MACROD2: variants seen among roughly 807,000 people sequenced by gnomAD.
The protein encoded by MACROD2 is mono-ADP ribosylhydrolase 2.
A neutral mutation model predicts 70.4 loss-of-function variants in MACROD2; 36 were observed. The ratio of observed to expected loss-of-function variants is 0.51; its 90% CI spans 0.39 to 0.68. The LOEUF is 0.68. Ranked by LOEUF, MACROD2 falls within the 30% of genes least tolerant of loss-of-function variation. The probability of loss-of-function intolerance (pLI) is 0.00; values close to 1 mark genes in which losing one functional copy is unlikely to be tolerated. For synonymous variants in MACROD2, 172 were observed against 178.8 expected, an observed-to-expected ratio of 0.96 and a Z score of 0.30; for missense variants, 496 against 538.4, an observed-to-expected ratio of 0.92 and a Z score of 0.78.
intron 5 of MACROD2, among the ~76,000 whole-genome samples, chr20:15,120,364 A>G (rs566396792): frequency 6.6e-6 from 1 of 152,266 alleles, no homozygotes; most frequent in African/African-American, 2.4e-5. Context: ...GACAAAATTC[A>G]TTGTGAACTT....
intron 3 of MACROD2, among the ~76,000 whole-genome samples, chr20:14,218,128 A>C (rs1169086903): frequency 6.6e-6 from 1 of 152,100 alleles, no homozygotes; most frequent in Non-Finnish European, 1.5e-5. Context: ...GAAGTCCCCC[A>C]ATATTATTGT....
At chr20:14,368,508 A>G (rs1400716200) in intron 3 of MACROD2, among the ~76,000 whole-genome samples, 1 of 151,448 alleles carries the variant, frequency 6.6e-6, no homozygotes, top group African/African-American at 2.4e-5. Context: ...GCACCACTGC[A>G]CTCTAGCCTG....
rs192560791 is a variant in MACROD2, at chr20:15,171,362, C to G, written c.419-58578C>G. 1.3e-4 allele frequency among the ~76,000 whole-genome samples: 19 copies of G among 151,646 alleles called. No individual in the cohort carries two copies. In the East Asian group the frequency reaches 3.5e-3, roughly 28 times the overall value. On this transcript the variant is annotated intron_variant, in intron 5 of 17. Coordinates refer to ENST00000684519, the MANE Select transcript of MACROD2 (RefSeq NM_001351661.2). The stretch of plus-strand genomic sequence containing the variant: ...CAAATTTGCCCCTCCATCTCCTCCC[C>G]TCCATCCTTCCCCCACCTTTCTCCT...
At chr20:14,113,372 A>G (rs1403847049) in intron 3 of MACROD2, among the ~76,000 whole-genome samples, 2 of 152,062 alleles carry the variant, frequency 1.3e-5, no homozygotes, top group Admixed American at 6.6e-5. Context: ...TGTCATGTCC[A>G]AAATTAAACT....
At chr20:15,952,777 T>C (rs1325016745) in intron 12 of MACROD2, among the ~76,000 whole-genome samples, 1 of 152,114 alleles carries the variant, frequency 6.6e-6, no homozygotes, top group African/African-American at 2.4e-5. Context: ...TGATATTGTT[T>C]GTATTTCCCT....
chr20:14,182,904 C>A (rs1324215729), intron 3 of MACROD2, among the ~76,000 whole-genome samples: 1 of 151,776 alleles, frequency 6.6e-6, no homozygotes, highest in Non-Finnish European at 1.5e-5. Context: ...TCTTCTCTAA[C>A]TTTTCTAGCT....
intron 2 of MACROD2, among the ~76,000 whole-genome samples, chr20:14,071,267 T>TTTTG (rs2053836739): frequency 7.5e-6 from 1 of 132,850 alleles, no homozygotes; most frequent in Non-Finnish European, 1.6e-5. Flanking sequence ...TTTTTTTTTT[T>TTTTG]TTTTTTTTTT....
At chr20:15,056,755 A>G (rs186711860) in intron 5 of MACROD2, among the ~76,000 whole-genome samples, 4 of 152,358 alleles carry the variant, frequency 2.6e-5, no homozygotes, top group Non-Finnish European at 5.9e-5. Context: ...ACCTGTGAAG[A>G]GTCAAATATC....
intron 5 of MACROD2, chr20:15,196,971 C>A (rs374795659): frequency 1.0e-6 from 1 of 985,326 alleles, no homozygotes; most frequent in African/African-American, 1.7e-5. Flanking sequence ...CTCAGGTATC[C>A]AAAGAGCACA....
intron 8 of MACROD2, among the ~76,000 whole-genome samples, chr20:15,683,832 G>A (rs113444341): frequency 1.3e-5 from 2 of 152,190 alleles, no homozygotes; most frequent in East Asian, 1.9e-4. Context: ...CACCCGCCTC[G>A]GCCTCCCAAG....
At chr20:14,118,780 C>T (rs11087073) in intron 3 of MACROD2, among the ~76,000 whole-genome samples, 1 of 150,342 alleles carries the variant, frequency 6.7e-6, no homozygotes, top group Non-Finnish European at 1.5e-5. Flanking sequence ...TTTCATATTT[C>T]TTCCATTAGT....
At chr20:15,212,362 T>C (rs1186462105) in intron 5 of MACROD2, among the ~76,000 whole-genome samples, 1 of 152,268 alleles carries the variant, frequency 6.6e-6, no homozygotes, top group African/African-American at 2.4e-5. Flanking sequence ...AACTAATGTC[T>C]CAATTAATGT....
At chr20:14,738,753 CA>C (rs1264272582) in intron 5 of MACROD2, among the ~76,000 whole-genome samples, 1 of 151,202 alleles carries the variant, frequency 6.6e-6, no homozygotes, top group Non-Finnish European at 1.5e-5. Context: ...AATCCATTTC[CA>C]AATAATTTTA....
intron 8 of MACROD2, among the ~76,000 whole-genome samples, chr20:15,672,131 C>T (rs1474469712): frequency 6.6e-6 from 1 of 152,056 alleles, no homozygotes; most frequent in African/African-American, 2.4e-5. Flanking sequence ...GCTGAGTCTC[C>T]TTTGGGTCTG....
chr20:15,710,240 G>C (rs1211625243), intron 8 of MACROD2, among the ~76,000 whole-genome samples: 1 of 138,886 alleles, frequency 7.2e-6, no homozygotes, highest in Non-Finnish European at 1.6e-5. Flanking sequence ...TGCAAAAAAA[G>C]TGAACCCTTA....
intron 8 of MACROD2, among the ~76,000 whole-genome samples, chr20:15,851,637 G>A (rs175805): frequency 0.17 from 25,184 of 152,164 alleles, 2,299 homozygotes; most frequent in South Asian, 0.36. Context: ...TGGGGGTTAG[G>A]ACTTTTATGA....
chr20:14,719,153 A>G (rs2071432981), intron 5 of MACROD2, among the ~76,000 whole-genome samples: 1 of 151,916 alleles, frequency 6.6e-6, no homozygotes, highest in African/African-American at 2.4e-5. Context: ...AATCACTTGA[A>G]CTCGGGAGGC....
At chr20:15,834,035 A>G (rs775103999) in intron 8 of MACROD2, among the ~76,000 whole-genome samples, 5 of 152,218 alleles carry the variant, frequency 3.3e-5, no homozygotes, top group Non-Finnish European at 4.4e-5. Flanking sequence ...TAGGATTGGA[A>G]TTAGATTATC....
At chr20:15,592,699 A>G (rs148763919) in intron 8 of MACROD2, among the ~76,000 whole-genome samples, 1 of 152,352 alleles carries the variant, frequency 6.6e-6, no homozygotes, top group African/African-American at 2.4e-5. Context: ...TTTAGATTTT[A>G]TTTATATTCC....
Sources: gnomAD v4.1 joint callset for allele counts (sites outside exome capture counted in the v4.1 genomes callset) on GRCh38, gnomAD v4.1.1 for gene constraint, MANE v1.5 for transcripts, NCBI Gene and HGNC (gene_info 2026-07-23, HGNC 2026-07-21) for gene names.